Variants in RAB11FIP4 observed in about 807,000 individuals in gnomAD.
The protein encoded by RAB11FIP4 is RAB11 family interacting protein 4.
Under a neutral mutation model 74.3 loss-of-function variants are expected in RAB11FIP4, and 23 were observed. The ratio of observed to expected loss-of-function variants is 0.31; its 90% CI spans 0.22 to 0.44. RAB11FIP4 has a LOEUF of 0.44. Among genes scored for constraint, RAB11FIP4 ranks in the 20% least tolerant of loss-of-function variants. RAB11FIP4 has a pLI of 1.00. For synonymous variants in RAB11FIP4, 360 were observed against 359.9 expected (o/e 1.00, Z 0.00); for missense variants, 630 against 863.9 (o/e 0.73, Z 3.39).
rs149629308 is a variant in RAB11FIP4, at chr17:31,477,259, C to T, written c.337-40392C>T. ...ACTGTCATCCCGCCTCTCAGGAGGCCGCTAAATCTGAGACTAATGGCTGCC... is the reference window on the plus strand; with the variant it reads ...ACTGTCATCCCGCCTCTCAGGAGGCTGCTAAATCTGAGACTAATGGCTGCC... On this transcript the variant is annotated intron_variant, in intron 3 of 14. Coordinates refer to ENST00000621161, the MANE Select transcript of RAB11FIP4 (RefSeq NM_032932.6). 4.0e-4 allele frequency among the ~76,000 whole-genome samples: 61 copies of T among 152,330 alleles called. 2 individuals are homozygous for T. In the East Asian group the frequency reaches 4.4e-3, roughly 11 times the overall value.
At chr17:31,461,244 C>T (rs1340029822) in intron 3 of RAB11FIP4, among the ~76,000 whole-genome samples, 2 of 152,180 alleles carry the variant, frequency 1.3e-5, no homozygotes, top group East Asian at 3.9e-4. Flanking sequence ...TCCACACGCA[C>T]AAGCCTGGGC....
chr17:31,524,828 C>G (rs768452339), intron 9 of RAB11FIP4: 3 of 548,966 alleles, frequency 5.5e-6, no homozygotes, highest in South Asian at 2.2e-5. Context: ...GCTGCAGGGA[C>G]TGGTGGGGGC....
chr17:31,402,748 A>G (rs945262398), intron 1 of RAB11FIP4, among the ~76,000 whole-genome samples: 1 of 151,426 alleles, frequency 6.6e-6, no homozygotes, highest in Non-Finnish European at 1.5e-5. Flanking sequence ...CAGCCTCCCA[A>G]GTAGCTGGGA....
chr17:31,401,828 A>T (rs189408498), intron 1 of RAB11FIP4, among the ~76,000 whole-genome samples: 2 of 152,326 alleles, frequency 1.3e-5, no homozygotes, highest in Non-Finnish European at 2.9e-5. Flanking sequence ...TAGCCAAGAG[A>T]CAGGGACGCG....
chr17:31,482,358 C>T (rs181100217), intron 3 of RAB11FIP4, among the ~76,000 whole-genome samples: 4 of 152,120 alleles, frequency 2.6e-5, no homozygotes, highest in African/African-American at 9.6e-5. Context: ...TTTGGGAGGC[C>T]GAGGCAGGCA....
chr17:31,524,049 G>A, intron 9 of RAB11FIP4, 53 bp downstream of exon 9: 1 of 1,361,590 alleles, frequency 7.3e-7, no homozygotes, highest in African/African-American at 1.4e-5. Flanking sequence ...GGAACAAAGG[G>A]GGGTCCATCT....
At chr17:31,500,605 T>C (rs2072199989) in intron 3 of RAB11FIP4, among the ~76,000 whole-genome samples, 1 of 152,254 alleles carries the variant, frequency 6.6e-6, no homozygotes, top group Non-Finnish European at 1.5e-5. Context: ...TACATTTGTC[T>C]TATAACTATA....
At chr17:31,421,323 A>G (rs1283530455) in intron 1 of RAB11FIP4, among the ~76,000 whole-genome samples, 1 of 151,594 alleles carries the variant, frequency 6.6e-6, no homozygotes, top group Non-Finnish European at 1.5e-5. Flanking sequence ...GGTTCAAGTA[A>G]TTCTCGTGCT....
chr17:31,400,848 C>T (rs941876571), intron 1 of RAB11FIP4, among the ~76,000 whole-genome samples: 11 of 152,178 alleles, frequency 7.2e-5, no homozygotes, highest in African/African-American at 2.7e-4. Flanking sequence ...CACGCTTCAG[C>T]CCCCACCGCC....
intron 1 of RAB11FIP4, among the ~76,000 whole-genome samples, chr17:31,395,038 G>A (rs953241516): frequency 2.6e-5 from 4 of 151,666 alleles, no homozygotes; most frequent in African/African-American, 9.7e-5. Context: ...AGCCACTTGT[G>A]CTCTGGGATG....
chr17:31,486,788 G>A (rs1441376311), intron 3 of RAB11FIP4, among the ~76,000 whole-genome samples: 1 of 152,214 alleles, frequency 6.6e-6, no homozygotes, highest in Non-Finnish European at 1.5e-5. Flanking sequence ...AGGCCCTCCT[G>A]TACCTAATGC....
chr17:31,399,638 G>A (rs753151514), intron 1 of RAB11FIP4, among the ~76,000 whole-genome samples: 11 of 151,884 alleles, frequency 7.2e-5, no homozygotes, highest in Admixed American at 2.0e-4. Flanking sequence ...GCTTAAACCC[G>A]GGAGGCGGAG....
intron 4 of RAB11FIP4, among the ~76,000 whole-genome samples, chr17:31,519,169 C>CT (rs1418745204): frequency 6.6e-6 from 1 of 152,002 alleles, no homozygotes; most frequent in Non-Finnish European, 1.5e-5. Flanking sequence ...TGCCCACCAC[C>CT]ACGCCTGGCT....
chr17:31,505,332 TTG>T (rs2072296628), intron 3 of RAB11FIP4, among the ~76,000 whole-genome samples: 1 of 142,668 alleles, frequency 7.0e-6, no homozygotes, highest in Admixed American at 8.0e-5. Context: ...AGTCTGGAGT[TTG>T]TGTTGTTCTG....
At chr17:31,423,048 T>C (rs1288307424) in intron 1 of RAB11FIP4, among the ~76,000 whole-genome samples, 1 of 151,894 alleles carries the variant, frequency 6.6e-6, no homozygotes, top group Admixed American at 6.6e-5. Flanking sequence ...GCCTCCTGAG[T>C]TGCTGGGACT....
chr17:31,394,818 T>C (rs941828708), intron 1 of RAB11FIP4, among the ~76,000 whole-genome samples: 1 of 151,872 alleles, frequency 6.6e-6, no homozygotes, highest in African/African-American at 2.4e-5. Context: ...GGTTTTCGGC[T>C]TATGCTGTAT....
intron 1 of RAB11FIP4, among the ~76,000 whole-genome samples, chr17:31,410,346 A>G (rs2071081459): frequency 1.3e-5 from 2 of 152,098 alleles, no homozygotes; most frequent in Non-Finnish European, 2.9e-5. Context: ...GATGATGATG[A>G]AGGAGAAACA....
chr17:31,446,149 T>A (rs2071461973), intron 3 of RAB11FIP4, among the ~76,000 whole-genome samples: 1 of 152,130 alleles, frequency 6.6e-6, no homozygotes, highest in African/African-American at 2.4e-5. Context: ...TTTGGGGTAC[T>A]GCAACTTAAA....
At position 31,531,757 on chromosome 17, in the gene RAB11FIP4, C is replaced by T; in HGVS notation, c.*25C>T. On this transcript the variant is annotated 3_prime_UTR_variant, in exon 15 of 15. Transcript: ENST00000621161. ...AGGCACGGGGCTGGCTGCAGAGCAG[C>T]CTTAGGACCCTGGGACCAAGGGCAG... 6.6e-7 allele frequency: 1 copy of T among 1,517,816 alleles called. No homozygotes were observed. Among genetic ancestry groups the T allele is most frequent in the Non-Finnish European group, 9.1e-7 (1 of 1,093,100 alleles). The allele number at this position is 1,517,816 out of a possible 1,614,324, so 94.0% of individuals were successfully genotyped here. A position where few individuals can be genotyped will look rare whatever the true frequency, so the allele number is the denominator to read the frequency against.
Sources: allele counts gnomAD v4.1 joint callset (sites outside exome capture counted in the v4.1 genomes callset), GRCh38; gene constraint gnomAD v4.1.1; transcripts MANE v1.5; gene names NCBI Gene and HGNC (gene_info 2026-07-23, HGNC 2026-07-21).